Variants in OXR1 observed in about 807,000 individuals in gnomAD.
OXR1 encodes oxidation resistance protein 1.
OXR1 carries 41 observed loss-of-function variants against 104.6 expected under a neutral mutation model. The ratio of observed to expected loss-of-function variants is 0.39; its 90% confidence interval spans 0.31 to 0.51. The LOEUF is 0.51. Ranked by LOEUF, OXR1 falls within the 20% of genes least tolerant of loss-of-function variation. The pLI is 0.77. For missense variants in OXR1, 955 were observed against 1,031.9 expected (o/e 0.93, Z 1.02); for synonymous variants, 348 against 348.4 (o/e 1.00, Z 0.01).
At chr8:106,605,780 C>T (rs1279403162) in intron 3 of OXR1, among the ~76,000 whole-genome samples, 7 of 151,814 alleles carry the variant, frequency 4.6e-5, no homozygotes, top group Non-Finnish European at 1.0e-4. Flanking sequence ...GCCTGGGTGA[C>T]AGAGGGAGAC....
chr8:106,329,579 C>T (rs913241313), intron 1 of OXR1, among the ~76,000 whole-genome samples: 1 of 152,024 alleles, frequency 6.6e-6, no homozygotes, highest in African/African-American at 2.4e-5. Flanking sequence ...GATCTCCTGA[C>T]CTAGTGATCC....
At chr8:106,298,354 G>A (rs1028420363) in intron 1 of OXR1, among the ~76,000 whole-genome samples, 6 of 152,118 alleles carry the variant, frequency 3.9e-5, no homozygotes, top group African/African-American at 7.2e-5. Flanking sequence ...AACGTGTGCC[G>A]GGGAACTGCC....
chr8:106,532,386 G>C (rs531140698), intron 3 of OXR1, among the ~76,000 whole-genome samples: 18 of 152,246 alleles, frequency 1.2e-4, no homozygotes, highest in African/African-American at 4.1e-4. Context: ...CTGCTATTCT[G>C]GGCAGCTCTG....
At chr8:106,353,429 AAT>A (rs1404646874) in intron 1 of OXR1, among the ~76,000 whole-genome samples, 1 of 133,332 alleles carries the variant, frequency 7.5e-6, no homozygotes, top group East Asian at 1.9e-4. Flanking sequence ...CAGGAAAAAT[AAT>A]ATCTTTCCCC....
intron 5 of OXR1, among the ~76,000 whole-genome samples, chr8:106,684,045 A>G (rs1337596468): frequency 2.0e-5 from 3 of 152,160 alleles, no homozygotes; most frequent in Admixed American, 6.5e-5. Flanking sequence ...TCCTCACCCT[A>G]TTCCAGCCGT....
At chr8:106,675,941 A>G (rs1315333649) in intron 3 of OXR1, among the ~76,000 whole-genome samples, 2 of 152,098 alleles carry the variant, frequency 1.3e-5, no homozygotes, top group Non-Finnish European at 2.9e-5. Context: ...GTAGGTCTCT[A>G]AGAACTTGCT....
chr8:106,593,449 A>G (rs188330274), intron 3 of OXR1, among the ~76,000 whole-genome samples: 93 of 152,358 alleles, frequency 6.1e-4, no homozygotes, highest in African/African-American at 2.0e-3. Context: ...AAGTATACAC[A>G]TAGTAGATAT....
At chr8:106,396,094 C>T (rs62527975) in intron 2 of OXR1, among the ~76,000 whole-genome samples, 1 of 91,018 alleles carries the variant, frequency 1.1e-5, no homozygotes, top group African/African-American at 3.9e-5. Flanking sequence ...TACATACATA[C>T]ATACATACAT....
In OXR1 at chr8:106,357,806, C is replaced by T. The variant is rs550187948; in HGVS notation, c.-138-1670C>T. Among the ~76,000 whole-genome samples the T allele has an allele frequency of 3.6e-4, 55 of 152,214 alleles. No individual in the cohort carries two copies. In the South Asian group the frequency reaches 0.011, roughly 29 times the overall value. On this transcript the variant is annotated intron_variant, in intron 1 of 16. Coordinates refer to ENST00000517566, the MANE Select transcript of OXR1 (RefSeq NM_001198533.2). ...TCAGTAAACAATGGACTGATTCCATCTCTCCTTTGCCCCATGTTTTCCGCT... is the reference window on the plus strand; with the variant it reads ...TCAGTAAACAATGGACTGATTCCATTTCTCCTTTGCCCCATGTTTTCCGCT...
At chr8:106,526,270 A>G (rs1019067877) in intron 3 of OXR1, among the ~76,000 whole-genome samples, 5 of 152,190 alleles carry the variant, frequency 3.3e-5, no homozygotes, top group Admixed American at 3.3e-4. Flanking sequence ...AGACGCATTA[A>G]TAATAGATTT....
intron 2 of OXR1, among the ~76,000 whole-genome samples, chr8:106,511,485 C>T (rs965614316): frequency 3.9e-5 from 6 of 152,090 alleles, no homozygotes; most frequent in South Asian, 2.1e-4. Flanking sequence ...TACGAGTGTT[C>T]GGCCTTTGGG....
At chr8:106,332,699 G>C (rs773272830) in intron 1 of OXR1, among the ~76,000 whole-genome samples, 15 of 152,106 alleles carry the variant, frequency 9.9e-5, no homozygotes, top group Non-Finnish European at 1.6e-4. Context: ...AAAAAGCTCT[G>C]TAACCATCAC....
chr8:106,359,415 A>G, intron 1 of OXR1, 61 bp from the exon 2 acceptor site: 1 of 534,050 alleles, frequency 1.9e-6, no homozygotes, highest in Admixed American at 3.1e-5. Flanking sequence ...GATGAAATAA[A>G]TCTGTGACAA....
At chr8:106,369,284 A>C (rs576519340) in intron 2 of OXR1, among the ~76,000 whole-genome samples, 4 of 152,172 alleles carry the variant, frequency 2.6e-5, no homozygotes, top group Non-Finnish European at 5.9e-5. Flanking sequence ...TTCCTTGTAA[A>C]TTCTGAATAT....
intron 9 of OXR1, among the ~76,000 whole-genome samples, chr8:106,708,402 C>T (rs1831359183): frequency 6.6e-6 from 1 of 151,814 alleles, no homozygotes; most frequent in African/African-American, 2.4e-5. Context: ...CTGTCTCAAA[C>T]AAAAAAATAA....
At chr8:106,406,114 T>TA (rs1402900363) in intron 2 of OXR1, among the ~76,000 whole-genome samples, 3 of 152,202 alleles carry the variant, frequency 2.0e-5, no homozygotes, top group Non-Finnish European at 4.4e-5. Context: ...GTCTGTATCT[T>TA]ACCCCGACCT....
At chr8:106,436,867 G>A (rs547188620) in intron 2 of OXR1, among the ~76,000 whole-genome samples, 1 of 152,206 alleles carries the variant, frequency 6.6e-6, no homozygotes, top group African/African-American at 2.4e-5. Context: ...TGATTGGCTT[G>A]ACCTGAAATA....
chr8:106,555,929 TAC>T (rs199622309), intron 3 of OXR1, among the ~76,000 whole-genome samples: 71 of 2,368 alleles, frequency 0.03, no homozygotes, highest in African/African-American at 0.062. Flanking sequence ...TATATATATG[TAC>T]ATATATATAT....
At chr8:106,608,464 A>C (rs1004853450) in intron 3 of OXR1, among the ~76,000 whole-genome samples, 1 of 152,154 alleles carries the variant, frequency 6.6e-6, no homozygotes, top group African/African-American at 2.4e-5. Flanking sequence ...AAAGACTGCT[A>C]TGTGTACTAT....
Sources: allele counts gnomAD v4.1 joint callset (sites outside exome capture counted in the v4.1 genomes callset), GRCh38; gene constraint gnomAD v4.1.1; transcripts MANE v1.5; gene names NCBI Gene and HGNC (gene_info 2026-07-23, HGNC 2026-07-21).